The following TMEM117 variants were observed in gnomAD, a reference collection of about 807,000 sequenced individuals.
The protein encoded by TMEM117 is transmembrane protein 117.
TMEM117 carries 27 observed loss-of-function variants against 52.4 expected under a neutral mutation model. The ratio of observed to expected loss-of-function variants is 0.51; its 90% confidence interval spans 0.38 to 0.71. The LOEUF is 0.71. TMEM117 is among the 30% of genes least tolerant of loss of function. TMEM117 has a pLI of 0.00. For synonymous variants in TMEM117, 215 were observed against 206.3 expected, an observed-to-expected ratio of 1.04 and a Z score of -0.36; for missense variants, 556 against 630.5, an observed-to-expected ratio of 0.88 and a Z score of 1.26.
At chr12:44,175,366 G>C (rs1456648830) in intron 4 of TMEM117, among the ~76,000 whole-genome samples, 1 of 152,126 alleles carries the variant, frequency 6.6e-6, no homozygotes, top group African/African-American at 2.4e-5. Context: ...TATGAAACTG[G>C]GTTAGTGTCA....
intron 1 of TMEM117, among the ~76,000 whole-genome samples, chr12:43,840,251 G>A (rs1041702049): frequency 2.7e-4 from 41 of 152,116 alleles, no homozygotes; most frequent in African/African-American, 8.5e-4. Flanking sequence ...TACAAGGTAC[G>A]GAACTCTAAG....
intron 4 of TMEM117, among the ~76,000 whole-genome samples, chr12:44,168,431 G>A (rs2138275242): frequency 6.6e-6 from 1 of 152,184 alleles, no homozygotes; most frequent in Non-Finnish European, 1.5e-5. Context: ...TTATGCATTT[G>A]TACATTATTT....
chr12:43,878,201 A>G (rs1038944131), intron 2 of TMEM117, among the ~76,000 whole-genome samples: 3 of 152,210 alleles, frequency 2.0e-5, no homozygotes, highest in African/African-American at 7.2e-5. Context: ...TTCAAACTAG[A>G]CAGCTTCCTG....
At chr12:43,917,462 G>A (rs1004552644) in intron 2 of TMEM117, among the ~76,000 whole-genome samples, 1 of 152,132 alleles carries the variant, frequency 6.6e-6, no homozygotes, top group Non-Finnish European at 1.5e-5. Flanking sequence ...GCAATCTTAT[G>A]AAGTGGTTAC....
the TMEM117 span, among the ~76,000 whole-genome samples, chr12:43,806,894 G>C: frequency 3.3e-5 from 5 of 152,198 alleles, no homozygotes; most frequent in South Asian, 2.1e-4. Context: ...ACTCCGGAAA[G>C]AGACAGCCAC....
chr12:44,030,287 A>G (rs1946612417), intron 3 of TMEM117, among the ~76,000 whole-genome samples: 1 of 152,202 alleles, frequency 6.6e-6, no homozygotes, highest in Non-Finnish European at 1.5e-5. Flanking sequence ...TTGACTTTTG[A>G]AAATTGTTCA....
At chr12:43,976,477 G>A (rs1945672370) in intron 3 of TMEM117, among the ~76,000 whole-genome samples, 1 of 152,064 alleles carries the variant, frequency 6.6e-6, no homozygotes, top group Admixed American at 6.6e-5. Context: ...ACAATTTGTG[G>A]GTAATAAACA....
chr12:44,059,032 C>T (rs1947099262), intron 3 of TMEM117, among the ~76,000 whole-genome samples: 1 of 152,152 alleles, frequency 6.6e-6, no homozygotes, highest in Non-Finnish European at 1.5e-5. Flanking sequence ...GTTAGATTCT[C>T]ATAGGAGCAT....
downstream of TMEM117, among the ~76,000 whole-genome samples, chr12:44,391,634 G>T (rs903727046): frequency 6.6e-6 from 1 of 151,976 alleles, no homozygotes; most frequent in Admixed American, 6.6e-5. Context: ...ACATTATTTG[G>T]CTTCCCCATG....
At chr12:44,253,835 TACACACACACACACAC>T (rs10565033) in intron 5 of TMEM117, among the ~76,000 whole-genome samples, 24 of 136,332 alleles carry the variant, frequency 1.8e-4, no homozygotes, top group African/African-American at 4.0e-4. Flanking sequence ...TGATAATTCC[TACACACACACACACAC>T]ACACACACAC....
intron 3 of TMEM117, among the ~76,000 whole-genome samples, chr12:44,098,496 A>C (rs1451925990): frequency 6.6e-6 from 1 of 152,078 alleles, no homozygotes; most frequent in African/African-American, 2.4e-5. Flanking sequence ...GCCTATGAGA[A>C]TGAATACCAG....
At chr12:44,060,676 C>T (rs1038044446) in intron 3 of TMEM117, among the ~76,000 whole-genome samples, 1 of 151,988 alleles carries the variant, frequency 6.6e-6, no homozygotes, top group Non-Finnish European at 1.5e-5. Context: ...TATTTTTAGA[C>T]ATATAGAAAT....
At chr12:44,330,804 C>A (rs1279265657) in intron 6 of TMEM117, among the ~76,000 whole-genome samples, 1 of 152,050 alleles carries the variant, frequency 6.6e-6, no homozygotes, top group Non-Finnish European at 1.5e-5. Context: ...TTCCACCTCA[C>A]CAACATCCAC....
At chr12:44,162,937 G>T (rs1200160411) in intron 4 of TMEM117, among the ~76,000 whole-genome samples, 1 of 152,090 alleles carries the variant, frequency 6.6e-6, no homozygotes, top group Non-Finnish European at 1.5e-5. Context: ...ATTTTGACTG[G>T]TCACCAACAT....
At chr12:44,021,342 A>C (rs1317873326) in intron 3 of TMEM117, among the ~76,000 whole-genome samples, 1 of 152,068 alleles carries the variant, frequency 6.6e-6, no homozygotes, top group East Asian at 1.9e-4. Context: ...TTTAGTTCCC[A>C]CTTGTAAGTG....
intron 1 of TMEM117, 39 bp from the exon 2 acceptor site, chr12:43,844,585 G>C (rs1002626377): frequency 6.6e-7 from 1 of 1,518,724 alleles, no homozygotes; most frequent in Admixed American, 2.1e-5. Context: ...GCCATTACTT[G>C]TTTTCCTCCT....
At chr12:44,299,763 G>C in intron 6 of TMEM117, 24 bp downstream of exon 6, 1 of 1,613,024 alleles carries the variant, frequency 6.2e-7, no homozygotes, top group Non-Finnish European at 8.5e-7. Context: ...CCTCCCCTCA[G>C]TGAAGCTGCT....
chr12:43,974,756 C>T lies in TMEM117; in HGVS notation c.410+30414C>T, dbSNP rs564485824. On this transcript the variant is annotated intron_variant, in intron 3 of 7. Coordinates refer to ENST00000266534, the MANE Select transcript of TMEM117 (RefSeq NM_032256.3). ...TCATTTGCTACAACATGGAAATAGG[C>T]TTTTTTACTAAAAATTATAAAGTAA... 3.3e-5 allele frequency among the ~76,000 whole-genome samples: 5 copies of T among 152,120 alleles called. No individual in the cohort carries two copies. In the East Asian group the frequency reaches 9.6e-4, roughly 29 times the overall value.
At chr12:43,835,844 G>A (rs1943016366), upstream of TMEM117, 1 of 152,056 alleles carries the variant, frequency 6.6e-6, no homozygotes, top group East Asian at 1.9e-4. Context: ...TGGTGCGGGC[G>A]AGAGGGCAGG....
Sources: gnomAD v4.1 joint callset for allele counts (sites outside exome capture counted in the v4.1 genomes callset) on GRCh38, gnomAD v4.1.1 for gene constraint, MANE v1.5 for transcripts, NCBI Gene and HGNC (gene_info 2026-07-23, HGNC 2026-07-21) for gene names.